Variants in ADAM22 observed in about 807,000 individuals in gnomAD.
ADAM22 encodes disintegrin and metalloproteinase domain-containing protein 22.
A neutral mutation model predicts 144.6 loss-of-function variants in ADAM22; 65 were observed. The observed-to-expected ratio is 0.45, with a 90% CI of 0.37 to 0.55. ADAM22 has a LOEUF of 0.55. ADAM22 is among the 20% of genes least tolerant of loss of function. ADAM22 has a pLI of 0.00. For synonymous variants in ADAM22, 391 were observed against 412.6 expected (o/e 0.95, Z 0.63); for missense variants, 974 against 1,184.9 (o/e 0.82, Z 2.61).
intron 3 of ADAM22, among the ~76,000 whole-genome samples, chr7:88,037,244 GT>G (rs544345923): frequency 1.9e-4 from 29 of 151,972 alleles, no homozygotes; most frequent in Non-Finnish European, 3.2e-4. Flanking sequence ...GATTTGAGAT[GT>G]TTTTGACATC....
At chr7:88,047,672 CTAAT>C (rs1033318339) in intron 3 of ADAM22, among the ~76,000 whole-genome samples, 9 of 152,020 alleles carry the variant, frequency 5.9e-5, no homozygotes, top group African/African-American at 2.2e-4. Context: ...GAAGATACTA[CTAAT>C]TATTTTAATT....
intron 4 of ADAM22, among the ~76,000 whole-genome samples, chr7:88,107,198 CTTTTTTT>C (rs561936408): frequency 1.5e-3 from 112 of 76,566 alleles, no homozygotes; most frequent in African/African-American, 3.2e-3. Context: ...GATTGAATTT[CTTTTTTT>C]TTTTTTTTTT....
chr7:88,107,081 G>T (rs1202192206), intron 4 of ADAM22, among the ~76,000 whole-genome samples: 1 of 151,230 alleles, frequency 6.6e-6, no homozygotes, highest in Non-Finnish European at 1.5e-5. Flanking sequence ...TATAAACACT[G>T]TAAAAACAAG....
At chr7:88,125,774 G>A in intron 8 of ADAM22, 115 bp downstream of exon 8, 2 of 833,240 alleles carry the variant, frequency 2.4e-6, no homozygotes, top group Middle Eastern at 2.4e-4. Context: ...AATTTGTCAG[G>A]GTGTGATAAA....
chr7:88,100,516 G>C (rs1458299675), intron 4 of ADAM22, among the ~76,000 whole-genome samples: 3 of 152,154 alleles, frequency 2.0e-5, no homozygotes, highest in African/African-American at 7.2e-5. Context: ...CAGATATTTA[G>C]CCTATGTCCT....
intron 2 of ADAM22, among the ~76,000 whole-genome samples, chr7:87,972,561 T>A (rs1850727739): frequency 6.6e-6 from 1 of 152,194 alleles, no homozygotes; most frequent in African/African-American, 2.4e-5. Flanking sequence ...AATGACTTTC[T>A]TCACAGAATT....
intron 3 of ADAM22, among the ~76,000 whole-genome samples, chr7:88,024,313 A>G (rs180919648): frequency 1.0e-3 from 155 of 152,314 alleles, no homozygotes; most frequent in African/African-American, 3.5e-3. Context: ...CCAACATTGT[A>G]TGCAGGTTGC....
chr7:88,173,463 A>C (rs1039266571), intron 26 of ADAM22, among the ~76,000 whole-genome samples: 2 of 152,096 alleles, frequency 1.3e-5, no homozygotes, highest in African/African-American at 4.8e-5. Context: ...AATGGCAAAG[A>C]ATAGACTTTA....
At chr7:87,946,444 C>T (rs1305919939) in intron 2 of ADAM22, among the ~76,000 whole-genome samples, 1 of 152,154 alleles carries the variant, frequency 6.6e-6, no homozygotes, top group Non-Finnish European at 1.5e-5. Flanking sequence ...TAAATTCTTT[C>T]TCAAGGCCGA....
intron 3 of ADAM22, among the ~76,000 whole-genome samples, chr7:88,060,608 A>T (rs1365835192): frequency 6.6e-6 from 1 of 151,636 alleles, no homozygotes; most frequent in African/African-American, 2.4e-5. Flanking sequence ...TCTACTAAAA[A>T]TAAAAAAATT....
intron 2 of ADAM22, among the ~76,000 whole-genome samples, chr7:87,971,739 C>T (rs1261255776): frequency 1.3e-5 from 2 of 152,226 alleles, no homozygotes; most frequent in Non-Finnish European, 2.9e-5. Context: ...TCTCTCTTCT[C>T]AAACATACCT....
intron 3 of ADAM22, among the ~76,000 whole-genome samples, chr7:88,063,425 T>TA (rs1193560695): frequency 6.6e-6 from 1 of 151,954 alleles, no homozygotes; most frequent in African/African-American, 2.4e-5. Context: ...GATAAAAACT[T>TA]AGAGGATCAT....
chr7:87,985,273 A>G (rs910462011), intron 3 of ADAM22, among the ~76,000 whole-genome samples: 1 of 151,520 alleles, frequency 6.6e-6, no homozygotes, highest in African/African-American at 2.4e-5. Flanking sequence ...AGATCGCACC[A>G]CTGCACTTCA....
At chr7:88,045,880 G>A (rs1479328477) in intron 3 of ADAM22, among the ~76,000 whole-genome samples, 7 of 124,052 alleles carry the variant, frequency 5.6e-5, no homozygotes, top group Admixed American at 1.8e-4. Flanking sequence ...AGGCTGAGTC[G>A]TATTCTATTG....
At chr7:88,015,025 GAT>G in intron 3 of ADAM22, among the ~76,000 whole-genome samples, 1 of 152,134 alleles carries the variant, frequency 6.6e-6, no homozygotes, top group Non-Finnish European at 1.5e-5. Flanking sequence ...AGTGATCATT[GAT>G]ACAGGGTAGA....
At chr7:88,130,942 C>A (rs1831615957) in intron 10 of ADAM22, among the ~76,000 whole-genome samples, 1 of 152,102 alleles carries the variant, frequency 6.6e-6, no homozygotes, top group Non-Finnish European at 1.5e-5. Context: ...GGAGAGTCTT[C>A]ATTGCTCCAT....
At chr7:88,150,743 G>A (rs548199201) in intron 18 of ADAM22, among the ~76,000 whole-genome samples, 2 of 152,244 alleles carry the variant, frequency 1.3e-5, no homozygotes, top group South Asian at 4.1e-4. Flanking sequence ...TCAGGGGCAA[G>A]TGTACCCATT....
intron 7 of ADAM22, among the ~76,000 whole-genome samples, chr7:88,121,248 A>G (rs1485618250): frequency 6.6e-6 from 1 of 152,164 alleles, no homozygotes; most frequent in Non-Finnish European, 1.5e-5. Context: ...TACAGATTTT[A>G]GAACCTGCTT....
intron 10 of ADAM22, among the ~76,000 whole-genome samples, chr7:88,130,813 G>A (rs1024698735): frequency 2.0e-5 from 3 of 152,116 alleles, no homozygotes; most frequent in Non-Finnish European, 4.4e-5. Flanking sequence ...GGCAGTGATG[G>A]AACTAAATAA....
Sources: gnomAD v4.1 joint callset for allele counts (sites outside exome capture counted in the v4.1 genomes callset) on GRCh38, gnomAD v4.1.1 for gene constraint, MANE v1.5 for transcripts, NCBI Gene and HGNC (gene_info 2026-07-23, HGNC 2026-07-21) for gene names.